The following PIR variants were observed in gnomAD, a reference collection of about 807,000 sequenced individuals.
PIR encodes pirin, also known as pirin (iron-binding nuclear protein).
A neutral mutation model predicts 24.2 loss-of-function variants in PIR; 22 were observed. The ratio of observed to expected loss-of-function variants is 0.91; its 90% CI spans 0.65 to 1.30. PIR has a LOEUF of 1.30. Among genes scored for constraint, PIR ranks in the 50% most tolerant of loss-of-function variants. The probability of loss-of-function intolerance (pLI) is 0.00; values close to 1 mark genes in which losing one functional copy is unlikely to be tolerated. For synonymous variants in PIR, 80 were observed against 79.6 expected, an observed-to-expected ratio of 1.00 and a Z score of -0.03; for missense variants, 220 against 220.3, an observed-to-expected ratio of 1.00 and a Z score of 0.01.
At chrX:15,491,552 A>C (rs1391667843) in intron 1 of PIR, among the ~76,000 whole-genome samples, 3 of 111,885 alleles carry the variant, frequency 2.7e-5, no homozygotes, top group Non-Finnish European at 5.6e-5. Context: ...GTAATCCTAC[A>C]GTAATCTTGT....
chrX:15,392,091 C>T (rs1923978438), intron 8 of PIR, among the ~76,000 whole-genome samples: 1 of 111,330 alleles, frequency 9.0e-6, no homozygotes, highest in African/African-American at 3.3e-5. Context: ...AGAACTCAGG[C>T]ATCTCTAAAC....
intron 5 of PIR, chrX:15,429,715 G>A (rs940053754): frequency 3.1e-4 from 34 of 110,889 alleles, no homozygotes; most frequent in Non-Finnish European, 4.5e-4. Flanking sequence ...AATTAGCCGG[G>A]CGTGGCGGTG....
intron 5 of PIR, among the ~76,000 whole-genome samples, chrX:15,432,095 T>C (rs749024381): frequency 4.5e-5 from 5 of 111,120 alleles, no homozygotes; most frequent in African/African-American, 6.5e-5. Context: ...GGGCTTAGTA[T>C]GTACCAGGCA....
At chrX:15,438,497 T>C (rs759016570) in intron 5 of PIR, among the ~76,000 whole-genome samples, 1 of 112,391 alleles carries the variant, frequency 8.9e-6, no homozygotes, top group Non-Finnish European at 1.9e-5. Flanking sequence ...AGAATCCCAG[T>C]TCTGTCACTT....
At chrX:15,483,220 A>G (rs1922613176) in intron 2 of PIR, among the ~76,000 whole-genome samples, 1 of 103,969 alleles carries the variant, frequency 9.6e-6, no homozygotes, top group African/African-American at 3.5e-5. Context: ...CCAATTCTCA[A>G]TTTCTTCATT....
intron 7 of PIR, among the ~76,000 whole-genome samples, chrX:15,398,276 A>C (rs1312242387): frequency 8.9e-6 from 1 of 112,122 alleles, no homozygotes; most frequent in African/African-American, 3.2e-5. Context: ...TGTTGTGGGA[A>C]TATTCAGGAC....
At chrX:15,491,532 A>ACTAT (rs1253605084) in intron 1 of PIR, among the ~76,000 whole-genome samples, 1 of 111,711 alleles carries the variant, frequency 9.0e-6, no homozygotes, top group African/African-American at 3.3e-5. Context: ...ATTATTTACA[A>ACTAT]CTATCTCATG....
intron 6 of PIR, among the ~76,000 whole-genome samples, chrX:15,412,624 C>A (rs939725755): frequency 9.0e-6 from 1 of 111,673 alleles, no homozygotes; most frequent in Non-Finnish European, 1.9e-5. Context: ...GCTCCCTGTT[C>A]TCCCAGGACA....
rs1021941860 is a variant in PIR at position 15,395,941 on chromosome X, G to A, written c.693+1508C>T. Among the ~76,000 whole-genome samples the A allele has an allele frequency of 8.0e-5, 9 of 111,869 alleles. No homozygotes were observed. The Admixed American group carries it at 8.5e-4, about 11-fold the overall frequency. On this transcript the variant is annotated intron_variant, in intron 8 of 9. Transcript: ENST00000380420. ...TGCCAGTGAATTGATGGTTTCAGCT[G>A]ACTCTTTTCTATGTTGGCTGCACCT...
chrX:15,477,602 A>G (rs1359060358), intron 3 of PIR, among the ~76,000 whole-genome samples: 1 of 112,176 alleles, frequency 8.9e-6, no homozygotes, highest in African/African-American at 3.2e-5. Flanking sequence ...GCCTTCTTAC[A>G]CTTAGGAACA....
rs1392498634 is a variant in PIR at position 15,491,291 on chromosome X, A to G, written c.-34T>C. On this transcript the variant is annotated 5_prime_UTR_variant, in exon 2 of 10. Coordinates refer to ENST00000380420, the MANE Select transcript of PIR (RefSeq NM_001018109.3). Reference sequence around the variant, plus strand: ...CTAAAAAGAGAGTGTTCTGATGCTGAGCTGTAGAGGATGGAGGGCTAAAGG... The same window carrying G: ...CTAAAAAGAGAGTGTTCTGATGCTGGGCTGTAGAGGATGGAGGGCTAAAGG... 7.1e-6 allele frequency: 7 copies of G among 981,868 alleles called. No homozygotes were observed. In the Admixed American group the frequency reaches 1.6e-4, roughly 23 times the overall value. The allele number at this position is 981,868 out of a possible 1,213,427, so 80.9% of individuals were successfully genotyped here.
intron 2 of PIR, among the ~76,000 whole-genome samples, chrX:15,480,855 A>G (rs951221121): frequency 1.8e-5 from 2 of 112,498 alleles, no homozygotes; most frequent in African/African-American, 6.5e-5. Context: ...AGGTGATGGG[A>G]GTTTTCATCA....
At chrX:15,449,185 A>G (rs189127482) in intron 5 of PIR, among the ~76,000 whole-genome samples, 1 of 111,887 alleles carries the variant, frequency 8.9e-6, no homozygotes, top group Admixed American at 9.5e-5. Flanking sequence ...CTTGGTGCAT[A>G]GAAGCAAGGA....
chrX:15,480,169 C>T (rs957725326), intron 2 of PIR, among the ~76,000 whole-genome samples: 3 of 41,317 alleles, frequency 7.3e-5, no homozygotes, highest in South Asian at 1.9e-3. Context: ...TTTCTCGGCA[C>T]AAACTCTTTT....
intron 3 of PIR, among the ~76,000 whole-genome samples, chrX:15,462,978 T>C (rs1371685578): frequency 8.9e-6 from 1 of 111,743 alleles, no homozygotes; most frequent in Admixed American, 9.5e-5. Flanking sequence ...ATATAGTAAG[T>C]AGGACTGGTA....
chrX:15,491,252 C>T lies in PIR; in HGVS notation c.6G>A (p.Gly2=). The T allele has an allele frequency of 8.4e-7, 1 of 1,186,970 alleles. No homozygotes were observed. The highest frequency in any genetic ancestry group is 1.1e-6 in the Non-Finnish European group (1 of 875,462). ...CTGAGAGAGTAACTTTCTTGGAGGA[C>T]CCCATATCGGAGTCTAAAAAGAGAG... M[G]SSKKVTLSVL... is the part of the protein sequence containing the mutation. The change falls in exon 2 of 10, where the codon GGG becomes GGA. Residue 2 remains glycine (G), a synonymous_variant. Transcript: ENST00000380420.
chrX:15,426,959 A>C (rs942881332), intron 5 of PIR, among the ~76,000 whole-genome samples: 26 of 111,924 alleles, frequency 2.3e-4, no homozygotes, highest in African/African-American at 7.8e-4. Context: ...ATAGCCCCAA[A>C]CTGGAAATCA....
At chrX:15,455,518 A>G (rs1432938097) in intron 5 of PIR, among the ~76,000 whole-genome samples, 1 of 112,590 alleles carries the variant, frequency 8.9e-6, no homozygotes, top group Non-Finnish European at 1.9e-5. Flanking sequence ...ATCCTGCTGT[A>G]CTAAGGAGCT....
chrX:15,440,669 T>G (rs1468688730), intron 5 of PIR, among the ~76,000 whole-genome samples: 2 of 111,447 alleles, frequency 1.8e-5, no homozygotes, highest in African/African-American at 6.5e-5. Flanking sequence ...TTGAAGGGTG[T>G]CAAGTGGCAG....
Sources: gnomAD v4.1 joint callset for allele counts (sites outside exome capture counted in the v4.1 genomes callset) on GRCh38, gnomAD v4.1.1 for gene constraint, MANE v1.5 for transcripts, NCBI Gene and HGNC (gene_info 2026-07-23, HGNC 2026-07-21) for gene names.